The following NREP variants were observed in gnomAD, a reference collection of about 807,000 sequenced individuals.
The protein encoded by NREP is neuronal regeneration-related protein.
NREP carries 5 observed loss-of-function variants against 8.6 expected under a neutral mutation model. The ratio of observed to expected loss-of-function variants is 0.58; its 90% confidence interval spans 0.30 to 1.22. The LOEUF (loss-of-function observed/expected upper bound fraction) is 1.22. Among genes scored for constraint, NREP ranks in the 50% most tolerant of loss-of-function variants. The pLI is 0.07. For missense variants in NREP, 86 were observed against 82.5 expected (o/e 1.04, Z -0.17); for synonymous variants, 27 against 28.0 (o/e 0.96, Z 0.11).
intron 2 of NREP, among the ~76,000 whole-genome samples, chr5:111,800,171 G>A (rs756355548): frequency 2.7e-5 from 4 of 150,154 alleles, no homozygotes; most frequent in South Asian, 2.1e-4. Context: ...CTTGTGATTC[G>A]CCCGCCTCGG....
intron 2 of NREP, among the ~76,000 whole-genome samples, chr5:111,973,712 T>C (rs1756885852): frequency 6.6e-6 from 1 of 152,250 alleles, no homozygotes; most frequent in South Asian, 2.1e-4. Context: ...TGGTCTGTTA[T>C]TTTTGTGATT....
chr5:111,869,097 G>C (rs911604492), intron 2 of NREP, among the ~76,000 whole-genome samples: 1 of 152,174 alleles, frequency 6.6e-6, no homozygotes, highest in Non-Finnish European at 1.5e-5. Flanking sequence ...GGAATAATTT[G>C]AGCAATAGCA....
chr5:111,858,178 G>C (rs1014718898), intron 2 of NREP, among the ~76,000 whole-genome samples: 1 of 152,122 alleles, frequency 6.6e-6, no homozygotes, highest in Non-Finnish European at 1.5e-5. Context: ...TGAAACTCTG[G>C]AGGTAGAGCC....
intron 2 of NREP, among the ~76,000 whole-genome samples, chr5:111,777,181 T>C (rs1289892006): frequency 2.0e-5 from 3 of 152,168 alleles, no homozygotes; most frequent in African/African-American, 7.2e-5. Flanking sequence ...TTTGTAACTA[T>C]TTCCTCAATT....
chr5:111,960,635 G>A (rs1227517503), intron 2 of NREP, among the ~76,000 whole-genome samples: 8 of 152,130 alleles, frequency 5.3e-5, no homozygotes. Flanking sequence ...GGGCAGTAAA[G>A]GTCTAGAGCC....
rs118102880 is a variant in NREP at position 111,923,241 on chromosome 5, G to C, written c.135+52033C>G. Reference sequence around the variant, plus strand: ...AATTGGGCGCTTGTGCCTAGTGAAAGAGACATACTTTTAAAGATTCAGGGT... The same window carrying C: ...AATTGGGCGCTTGTGCCTAGTGAAACAGACATACTTTTAAAGATTCAGGGT... On this transcript the variant is annotated intron_variant, in intron 2 of 3. Coordinates refer to the NREP transcript ENST00000395634. 1.1e-4 allele frequency among the ~76,000 whole-genome samples: 16 copies of C among 152,294 alleles called. No individual in the cohort carries two copies. The East Asian group carries it at 3.1e-3, about 29-fold the overall frequency.
At chr5:111,889,724 G>C (rs946084770) in intron 2 of NREP, among the ~76,000 whole-genome samples, 1 of 152,168 alleles carries the variant, frequency 6.6e-6, no homozygotes, top group African/African-American at 2.4e-5. Context: ...CCACCAGCAG[G>C]CTTTGTGTGA....
chr5:111,755,193 G>T (rs1469231070), intron 2 of NREP, among the ~76,000 whole-genome samples: 3 of 152,060 alleles, frequency 2.0e-5, no homozygotes, highest in South Asian at 4.1e-4. Flanking sequence ...CTTTTATTTA[G>T]AGGTTAACAT....
chr5:111,870,517 G>T (rs969123619), intron 2 of NREP, among the ~76,000 whole-genome samples: 1 of 152,146 alleles, frequency 6.6e-6, no homozygotes, highest in Non-Finnish European at 1.5e-5. Context: ...TTTAAAAATT[G>T]ATTTCATTGG....
intron 2 of NREP, among the ~76,000 whole-genome samples, chr5:111,755,090 C>A (rs1195881146): frequency 6.6e-6 from 1 of 152,086 alleles, no homozygotes; most frequent in African/African-American, 2.4e-5. Flanking sequence ...TATTCAGCTG[C>A]TTTTAATGTG....
chr5:111,816,912 C>T lies in NREP; in HGVS notation c.136-81405G>A, dbSNP rs149714287. Among the ~76,000 whole-genome samples the T allele has an allele frequency of 2.2e-3, 335 of 151,746 alleles. 4 individuals are homozygous for T. The highest frequency in any genetic ancestry group is 9.8e-3 in the South Asian group (47 of 4,804). ...GATGGAAAAAGATAAATTGTAAAAA[C>T]GCTAGCTGAAATAATGTTGAAGTAA... On this transcript the variant is annotated intron_variant, in intron 2 of 3. Coordinates refer to the NREP transcript ENST00000395634.
intron 2 of NREP, among the ~76,000 whole-genome samples, chr5:111,813,301 TCC>T (rs1752310239): frequency 6.6e-5 from 10 of 152,164 alleles, no homozygotes; most frequent in African/African-American, 2.4e-4. Context: ...CAAAAAAGTC[TCC>T]TTTTGTTGTT....
intron 2 of NREP, among the ~76,000 whole-genome samples, chr5:111,754,734 C>T (rs926340857): frequency 6.6e-6 from 1 of 152,114 alleles, no homozygotes; most frequent in African/African-American, 2.4e-5. Flanking sequence ...ACAAGTGACG[C>T]ATACATAAAA....
intron 2 of NREP, among the ~76,000 whole-genome samples, chr5:111,854,129 C>T (rs1193430203): frequency 6.6e-6 from 1 of 151,498 alleles, no homozygotes; most frequent in Non-Finnish European, 1.5e-5. Flanking sequence ...AAAATCCAAG[C>T]CACCCAGCCA....
chr5:111,839,827 AG>A (rs539463378), intron 2 of NREP, among the ~76,000 whole-genome samples: 1 of 152,076 alleles, frequency 6.6e-6, no homozygotes, highest in Non-Finnish European at 1.5e-5. Flanking sequence ...TTTTTTACAA[AG>A]CCCTTTCACA....
At chr5:111,975,667 A>T (rs905205972) in intron 1 of NREP, among the ~76,000 whole-genome samples, 2 of 152,236 alleles carry the variant, frequency 1.3e-5, no homozygotes, top group South Asian at 2.1e-4. Context: ...ATTACATAGA[A>T]AAACAGTATC....
exon 2 of NREP, chr5:111,975,329 C>A: frequency 6.4e-7 from 1 of 1,551,660 alleles, no homozygotes; most frequent in Non-Finnish European, 8.7e-7. Context: ...ACAAGGGACT[C>A]TGTCTGTCAT....
At chr5:111,857,641 A>G (rs557234156) in intron 2 of NREP, among the ~76,000 whole-genome samples, 250 of 152,272 alleles carry the variant, frequency 1.6e-3, no homozygotes, top group African/African-American at 5.9e-3. Context: ...TTTGGGACAC[A>G]GAAATTCCTT....
chr5:111,932,804 C>T (rs1238363144), intron 2 of NREP, among the ~76,000 whole-genome samples: 1 of 152,074 alleles, frequency 6.6e-6, no homozygotes, highest in African/African-American at 2.4e-5. Flanking sequence ...CCAAAGCCCT[C>T]TTGACTGGTA....
Sources: allele counts gnomAD v4.1 joint callset (sites outside exome capture counted in the v4.1 genomes callset), GRCh38; gene constraint gnomAD v4.1.1; transcripts MANE v1.5; gene names NCBI Gene and HGNC (gene_info 2026-07-23, HGNC 2026-07-21).